The following KAT2B variants were observed in gnomAD, a reference collection of about 807,000 sequenced individuals.
KAT2B encodes lysine acetyltransferase 2B, also known as histone acetyltransferase KAT2B.
KAT2B carries 36 observed loss-of-function variants against 105.9 expected under a neutral mutation model. That is an observed-to-expected ratio of 0.34 (90% CI 0.26 to 0.45). The LOEUF (loss-of-function observed/expected upper bound fraction) is 0.45, where lower values mean the gene tolerates loss of function less well. KAT2B is among the 20% of genes least tolerant of loss of function. KAT2B has a pLI of 1.00. For missense variants in KAT2B, 820 were observed against 1,021.6 expected, an observed-to-expected ratio of 0.80 and a Z score of 2.69; for synonymous variants, 397 against 377.9, an observed-to-expected ratio of 1.05 and a Z score of -0.59.
At chr3:20,040,954 GA>G (rs1286889412) in intron 1 of KAT2B, among the ~76,000 whole-genome samples, 174 bp downstream of exon 1, 2 of 152,296 alleles carry the variant, frequency 1.3e-5, no homozygotes, top group African/African-American at 4.8e-5. Context: ...CTTCTTCTTG[GA>G]TAAGAGTCCT....
At chr3:20,074,253 A>G (rs60294437) in intron 2 of KAT2B, among the ~76,000 whole-genome samples, 10,343 of 152,266 alleles carry the variant, frequency 0.068, 368 homozygotes, top group South Asian at 0.11. Flanking sequence ...AAATATTCCA[A>G]TGTAGGAGAT....
chr3:20,052,445 G>T (rs1361992624), intron 1 of KAT2B, among the ~76,000 whole-genome samples: 1 of 151,958 alleles, frequency 6.6e-6, no homozygotes, highest in East Asian at 1.9e-4. Context: ...TCATATCTCG[G>T]GTGGATCATA....
At chr3:20,091,546 G>A (rs1698718230) in intron 2 of KAT2B, among the ~76,000 whole-genome samples, 1 of 151,700 alleles carries the variant, frequency 6.6e-6, no homozygotes, top group South Asian at 2.1e-4. Flanking sequence ...ACTTTAGTTC[G>A]TTCTTCTTTG....
intron 12 of KAT2B, among the ~76,000 whole-genome samples, chr3:20,139,056 G>C (rs1699652982): frequency 7.4e-6 from 1 of 134,624 alleles, no homozygotes; most frequent in Non-Finnish European, 1.5e-5. Context: ...ACCATGCCCA[G>C]CAATTTTTTT....
chr3:20,091,556 G>T (rs1433762597), intron 2 of KAT2B, among the ~76,000 whole-genome samples: 1 of 151,608 alleles, frequency 6.6e-6, no homozygotes, highest in East Asian at 1.9e-4. Context: ...GTTCTTCTTT[G>T]TCTAGTTCTT....
At chr3:20,150,123 C>A (rs1699847113) in intron 17 of KAT2B, among the ~76,000 whole-genome samples, 1 of 152,154 alleles carries the variant, frequency 6.6e-6, no homozygotes, top group African/African-American at 2.4e-5. Flanking sequence ...AGCTGAGTCT[C>A]ACAAGGGGGG....
chr3:20,095,255 A>G lies in KAT2B; in HGVS notation c.431-8A>G, dbSNP rs1698789040. On this transcript the variant is annotated splice_polypyrimidine_tract_variant and splice_region_variant and intron_variant, in intron 2 of 17. Transcript: ENST00000263754. ...GTCTTACATATGTTTCTTTGATCTT[A>G]TCATAAGCTGCTCATGTTTCCCACC... 4 of 1,609,460 alleles carry G rather than the reference A, an allele frequency of 2.5e-6. No individual in the cohort carries two copies. Among genetic ancestry groups the G allele is most frequent in the South Asian group, 1.1e-5 (1 of 90,278 alleles).
At chr3:20,058,168 A>T (rs960458790) in intron 1 of KAT2B, among the ~76,000 whole-genome samples, 1 of 152,124 alleles carries the variant, frequency 6.6e-6, no homozygotes, top group East Asian at 1.9e-4. Context: ...TCATAAATTA[A>T]GGTATTCAGC....
intron 1 of KAT2B, among the ~76,000 whole-genome samples, chr3:20,049,998 G>A (rs1450205444): frequency 2.6e-5 from 4 of 152,076 alleles, no homozygotes; most frequent in African/African-American, 7.2e-5. Flanking sequence ...TCAGGAGTTC[G>A]AGACCAGCCT....
intron 12 of KAT2B, among the ~76,000 whole-genome samples, chr3:20,138,386 C>T (rs917154340): frequency 9.1e-6 from 1 of 110,052 alleles, no homozygotes; most frequent in Admixed American, 9.8e-5. Flanking sequence ...AATATTTAAC[C>T]AATACATTTT....
intron 2 of KAT2B, among the ~76,000 whole-genome samples, chr3:20,084,491 T>C (rs1420392939): frequency 6.6e-6 from 1 of 152,054 alleles, no homozygotes; most frequent in Non-Finnish European, 1.5e-5. Context: ...ATTTACATTT[T>C]CCCCCATCTC....
At chr3:20,118,726 C>CA (rs202106321) in intron 7 of KAT2B, among the ~76,000 whole-genome samples, 124 of 89,980 alleles carry the variant, frequency 1.4e-3, no homozygotes, top group South Asian at 2.5e-3. Flanking sequence ...AACTTTGTCT[C>CA]AAAAAAAAAA....
In KAT2B at chr3:20,140,631, C is replaced by G. The variant is rs533406818; in HGVS notation, c.2004+267C>G. ...TCAGCCTCCCGAGTAGCTAAGATTA[C>G]AGGTGTGTGCTACCATGCCCAGCCA... On this transcript the variant is annotated intron_variant, in intron 13 of 17. Coordinates refer to ENST00000263754, the MANE Select transcript of KAT2B (RefSeq NM_003884.5). 3.4e-4 allele frequency among the ~76,000 whole-genome samples: 51 copies of G among 152,218 alleles called. No individual in the cohort carries two copies. The South Asian group carries it at 5.6e-3, about 17-fold the overall frequency.
intron 5 of KAT2B, among the ~76,000 whole-genome samples, chr3:20,110,131 G>A (rs887296753): frequency 1.3e-5 from 2 of 152,124 alleles, no homozygotes; most frequent in African/African-American, 2.4e-5. Context: ...CAGCTTGGGC[G>A]CATTAGAAAG....
At position 20,101,354 on chromosome 3, in the gene KAT2B, A is replaced by G. The variant is rs1218115015; in HGVS notation, c.737A>G (p.Glu246Gly). 1.2e-6 allele frequency: 2 copies of G among 1,614,122 alleles called. No individual in the cohort carries two copies. Among genetic ancestry groups the G allele is most frequent in the East Asian group, 2.2e-5 (1 of 44,868 alleles). The change falls in exon 5 of 18, where the codon GAG (glutamate) becomes GGG (glycine). Residue 246 changes from glutamate (E) to glycine (G), a missense_variant. By Grantham distance (98) the Glu-to-Gly change is moderately conservative. Around this residue, in one of 6 missense-constraint regions of KAT2B, gnomAD observed 173 missense variants for 249.5 expected, o/e 0.69. Coordinates refer to ENST00000263754, the MANE Select transcript of KAT2B (RefSeq NM_003884.5). The stretch of plus-strand genomic sequence containing the variant: ...GCAAAAGAAAGGCAAACAATAGTTG[A>G]GTTGGCAAAAATGTTCCTAAACCGC... The part of the protein sequence containing the change: ...LPAKERQTIV[E>G]LAKMFLNRIN...
chr3:20,079,811 C>T (rs1698488461), intron 2 of KAT2B, among the ~76,000 whole-genome samples: 1 of 152,182 alleles, frequency 6.6e-6, no homozygotes, highest in Non-Finnish European at 1.5e-5. Flanking sequence ...CAGCATATTC[C>T]TCTTGGCTGG....
At chr3:20,091,750 A>G (rs543376534) in intron 2 of KAT2B, among the ~76,000 whole-genome samples, 2 of 152,118 alleles carry the variant, frequency 1.3e-5, no homozygotes, top group African/African-American at 2.4e-5. Context: ...TCTCTGACCC[A>G]TTGGTTGTTC....
At chr3:20,045,046 G>C (rs1023726372) in intron 1 of KAT2B, among the ~76,000 whole-genome samples, 1 of 151,948 alleles carries the variant, frequency 6.6e-6, no homozygotes, top group Non-Finnish European at 1.5e-5. Flanking sequence ...ACAGGGTCTC[G>C]CTCTGTCACC....
chr3:20,081,381 A>G (rs551970109), intron 2 of KAT2B, among the ~76,000 whole-genome samples: 1 of 152,160 alleles, frequency 6.6e-6, no homozygotes, highest in East Asian at 1.9e-4. Context: ...AGCAAGGTTG[A>G]CAGCTGCACC....
Sources: gnomAD v4.1 joint callset for allele counts (sites outside exome capture counted in the v4.1 genomes callset) on GRCh38, gnomAD v4.1.1 for gene constraint, gnomAD v4.1.1 regional missense constraint, MANE v1.5 for transcripts, NCBI Gene and HGNC (gene_info 2026-07-23, HGNC 2026-07-21) for gene names.